Variants in KCNN3 observed in about 807,000 individuals in gnomAD.
KCNN3 encodes small conductance calcium-activated potassium channel protein 3.
Under a neutral mutation model 62.9 loss-of-function variants are expected in KCNN3, and 16 were observed. The ratio of observed to expected loss-of-function variants is 0.25; its 90% CI spans 0.17 to 0.39. The LOEUF is 0.39. Ranked by LOEUF, KCNN3 falls within the 10% of genes least tolerant of loss-of-function variation. The pLI is 1.00. For missense variants in KCNN3, 599 were observed against 949.4 expected, an observed-to-expected ratio of 0.63 and a Z score of 4.85; for synonymous variants, 370 against 389.2, an observed-to-expected ratio of 0.95 and a Z score of 0.58.
At chr1:154,852,776 T>G (rs1364253387) in intron 1 of KCNN3, among the ~76,000 whole-genome samples, 1 of 152,214 alleles carries the variant, frequency 6.6e-6, no homozygotes, top group Non-Finnish European at 1.5e-5. Context: ...CTATTTTTAA[T>G]ATGGCTACTC....
At chr1:154,773,058 A>G (rs1024534848) in intron 2 of KCNN3, among the ~76,000 whole-genome samples, 1 of 152,120 alleles carries the variant, frequency 6.6e-6, no homozygotes, top group Non-Finnish European at 1.5e-5. Flanking sequence ...CAAGTTTGCT[A>G]TATAGGTAAA....
intron 2 of KCNN3, among the ~76,000 whole-genome samples, chr1:154,789,269 C>G (rs1176283241): frequency 6.6e-6 from 1 of 152,166 alleles, no homozygotes; most frequent in African/African-American, 2.4e-5. Context: ...TCCCTTTTCA[C>G]AAAGACACTT....
chr1:154,763,304 A>C (rs1648108032), intron 3 of KCNN3, among the ~76,000 whole-genome samples: 1 of 152,146 alleles, frequency 6.6e-6, no homozygotes, highest in Non-Finnish European at 1.5e-5. Context: ...TTATAAACTT[A>C]ATCTTCCCTC....
rs1039958234 is a variant in KCNN3 at position 154,698,107 on chromosome 1, A to G, written c.*9869T>C. 1 of 152,224 alleles carries G rather than the reference A, an allele frequency of 6.6e-6. No individual in the cohort carries two copies. Among genetic ancestry groups the G allele is most frequent in the Non-Finnish European group, 1.5e-5 (1 of 68,038 alleles). 9.4% of individuals were successfully genotyped at this position (152,224 alleles called of 1,614,324 possible). ...GACAGCAGTAGAAATGCAGCTAGAT[A>G]TATTTTTGAAAACATTTTTTAGGTC... On this transcript the variant is annotated 3_prime_UTR_variant, in exon 8 of 8. Coordinates refer to ENST00000271915, the MANE Select transcript of KCNN3 (RefSeq NM_002249.6).
At chr1:154,732,509 C>T (rs901585235) in intron 4 of KCNN3, among the ~76,000 whole-genome samples, 2 of 152,226 alleles carry the variant, frequency 1.3e-5, no homozygotes, top group African/African-American at 4.8e-5. Context: ...GTGGACAGCC[C>T]CGTCCAGGAC....
chr1:154,801,337 T>G (rs1350485287), intron 2 of KCNN3, among the ~76,000 whole-genome samples: 1 of 152,078 alleles, frequency 6.6e-6, no homozygotes, highest in East Asian at 1.9e-4. Flanking sequence ...TTTTATTCTT[T>G]TCTATCCACA....
chr1:154,788,409 T>C (rs1037037725), intron 2 of KCNN3, among the ~76,000 whole-genome samples: 9 of 152,246 alleles, frequency 5.9e-5, no homozygotes, highest in African/African-American at 1.9e-4. Context: ...CTGAGACTTC[T>C]AAAGAAAAGA....
intron 1 of KCNN3, among the ~76,000 whole-genome samples, chr1:154,864,737 G>A (rs1218989492): frequency 6.6e-6 from 1 of 152,240 alleles, no homozygotes; most frequent in Admixed American, 6.5e-5. Flanking sequence ...CCAGCAACGA[G>A]GCCAGGCAGG....
chr1:154,760,610 G>T (rs1033492315), intron 3 of KCNN3, among the ~76,000 whole-genome samples: 2 of 152,182 alleles, frequency 1.3e-5, no homozygotes, highest in African/African-American at 4.8e-5. Context: ...CTGGCGGAGC[G>T]AGCCTCGGCC....
In KCNN3 at chr1:154,704,588, G is replaced by T. The variant is rs1396912820; in HGVS notation, c.*3388C>A. The T allele has an allele frequency of 6.6e-6, 1 of 151,890 alleles. No homozygotes were observed. Among genetic ancestry groups the T allele is most frequent in the Non-Finnish European group, 1.5e-5 (1 of 68,002 alleles). The allele number at this position is 151,890 out of a possible 1,614,324, so 9.4% of individuals were successfully genotyped here. ...CTTAAGCAATGGCAGGGGTGGGGGT[G>T]GTTCTGTATTTCTAATTCAAGTGTC... is the stretch of plus-strand genomic sequence containing the variant. On this transcript the variant is annotated 3_prime_UTR_variant, in exon 8 of 8. Transcript: ENST00000271915.
At chr1:154,842,856 T>C (rs1176684104) in intron 1 of KCNN3, among the ~76,000 whole-genome samples, 2 of 152,180 alleles carry the variant, frequency 1.3e-5, no homozygotes, top group African/African-American at 4.8e-5. Flanking sequence ...GAAGGGGCTT[T>C]GGAGTCCGAA....
Position 154,708,133 on chromosome 1 carries a change from G to T in KCNN3, c.2039C>A (p.Thr680Asn), listed in dbSNP as rs1218890443. Residue 680 changes from threonine (T) to asparagine (N), a missense_variant, in exon 8 of 8, where the codon ACC becomes AAC. This residue lies in a region of KCNN3 where 288 missense variants were observed against 557.4 expected (regional missense o/e 0.52). Transcript: ENST00000271915. The stretch of plus-strand genomic sequence containing the variant: ...GAGCTGCTGCTGCTGCTGGCGCAGG[G>T]TGTCGGCGATGAGCAGCGGCAGGGA... ...FNSLPLLIAD[T>N]LRQQQQQLLS... 9.3e-6 allele frequency: 15 copies of T among 1,613,716 alleles called. No homozygotes were observed. The highest frequency in any genetic ancestry group is 1.3e-5 in the Non-Finnish European group (15 of 1,180,034).
At chr1:154,742,239 C>T (rs1052297591) in intron 3 of KCNN3, among the ~76,000 whole-genome samples, 3 of 152,240 alleles carry the variant, frequency 2.0e-5, no homozygotes, top group Non-Finnish European at 4.4e-5. Flanking sequence ...CATCCTGACC[C>T]ACCCAGCCAA....
At chr1:154,815,148 G>T (rs915947115) in intron 2 of KCNN3, among the ~76,000 whole-genome samples, 1 of 152,028 alleles carries the variant, frequency 6.6e-6, no homozygotes, top group Non-Finnish European at 1.5e-5. Flanking sequence ...AGTCTGTCTG[G>T]GGGTCTCAAG....
In KCNN3 at chr1:154,724,467, T is replaced by C. The variant is rs186858164; in HGVS notation, c.1701+1449A>G. 1.8e-4 allele frequency among the ~76,000 whole-genome samples: 27 copies of C among 152,340 alleles called. No homozygotes were observed. In the South Asian group the frequency reaches 2.3e-3, roughly 13 times the overall value. ...GAGGCCGAGACACGGGCACAGGGTT[T>C]TAATTCTGTCTCGTCTCAGAAAGAG... On this transcript the variant is annotated intron_variant, in intron 5 of 7. Coordinates refer to ENST00000271915, the MANE Select transcript of KCNN3 (RefSeq NM_002249.6).
intron 2 of KCNN3, among the ~76,000 whole-genome samples, chr1:154,775,070 G>C (rs1648732789): frequency 6.6e-6 from 1 of 152,222 alleles, no homozygotes; most frequent in Non-Finnish European, 1.5e-5. Flanking sequence ...CCTTGCACAG[G>C]GAGATCAGGG....
At chr1:154,793,142 G>C (rs997176113) in intron 2 of KCNN3, among the ~76,000 whole-genome samples, 5 of 152,206 alleles carry the variant, frequency 3.3e-5, no homozygotes, top group Non-Finnish European at 5.9e-5. Flanking sequence ...CTATTGAAAA[G>C]CTGTAATAAA....
chr1:154,810,933 C>T (rs1352295826), intron 2 of KCNN3, among the ~76,000 whole-genome samples: 1 of 152,230 alleles, frequency 6.6e-6, no homozygotes, highest in Non-Finnish European at 1.5e-5. Flanking sequence ...AACCCTCTGC[C>T]CTCACCAGCC....
At chr1:154,821,184 C>A (rs1571309252) in intron 2 of KCNN3, among the ~76,000 whole-genome samples, 1 of 152,274 alleles carries the variant, frequency 6.6e-6, no homozygotes, top group South Asian at 2.1e-4. Context: ...AGACTTGACC[C>A]CAGTTTTTCT....
Sources: gnomAD v4.1 joint callset for allele counts (sites outside exome capture counted in the v4.1 genomes callset) on GRCh38, gnomAD v4.1.1 for gene constraint, gnomAD v4.1.1 regional missense constraint, MANE v1.5 for transcripts, NCBI Gene and HGNC (gene_info 2026-07-23, HGNC 2026-07-21) for gene names.